SPTBN4: variants seen among roughly 807,000 people sequenced by gnomAD.
SPTBN4 encodes spectrin beta, non-erythrocytic 4.
A neutral mutation model predicts 277.8 loss-of-function variants in SPTBN4; 96 were observed. The ratio of observed to expected loss-of-function variants is 0.35; its 90% CI spans 0.29 to 0.41. The LOEUF (loss-of-function observed/expected upper bound fraction) is 0.41, where lower values mean the gene tolerates loss of function less well. SPTBN4 is among the 10% of genes least tolerant of loss of function. The pLI is 1.00. For missense variants in SPTBN4, 3,006 were observed against 3,595.7 expected (o/e 0.84, Z 4.19); for synonymous variants, 1,481 against 1,580.3 (o/e 0.94, Z 1.49).
chr19:40,568,065 C>T lies in SPTBN4; in HGVS notation c.6739C>T (p.Arg2247Trp). 1.3e-6 allele frequency: 2 copies of T among 1,559,076 alleles called. No individual in the cohort carries two copies. Among genetic ancestry groups the T allele is most frequent in the Non-Finnish European group, 8.7e-7 (1 of 1,152,278 alleles). Reference sequence around the variant, plus strand: ...TCGCGCGGAGGAGCTGCCCAGGAGGCGGCGGCCTGAGCGGCAAGAGTCAGT... The same window carrying T: ...TCGCGCGGAGGAGCTGCCCAGGAGGTGGCGGCCTGAGCGGCAAGAGTCAGT... ...ADRAEELPRRRRPERQESVDQ... is the reference protein window; with the variant it reads ...ADRAEELPRRWRPERQESVDQ... Residue 2247 changes from arginine (R) to tryptophan (W), a missense_variant, in exon 31 of 36, where the codon CGG (arginine) becomes TGG (tryptophan). Arg to Trp is a moderately radical substitution (Grantham distance 101, BLOSUM62 -3). This residue lies in a region of SPTBN4 where 630 missense variants were observed against 677.6 expected (regional missense o/e 0.93). Coordinates refer to ENST00000598249, the MANE Select transcript of SPTBN4 (RefSeq NM_020971.3).
At chr19:40,557,843 G>T (rs1425924991) in intron 26 of SPTBN4, among the ~76,000 whole-genome samples, 1 of 150,556 alleles carries the variant, frequency 6.6e-6, no homozygotes, top group Non-Finnish European at 1.5e-5. Flanking sequence ...ACTTGAACCC[G>T]GGAGGAGGAG....
intron 33 of SPTBN4, 80 bp from the exon 34 acceptor site, chr19:40,571,939 T>C: frequency 6.9e-7 from 1 of 1,458,290 alleles, no homozygotes; most frequent in Non-Finnish European, 9.1e-7. Context: ...CTCAGACATA[T>C]TCAGACCTTG....
intron 13 of SPTBN4, among the ~76,000 whole-genome samples, chr19:40,510,380 C>G (rs367705875): frequency 1.3e-5 from 2 of 152,048 alleles, no homozygotes; most frequent in African/African-American, 4.8e-5. Context: ...TCTCGGCTCA[C>G]TGCAGCATCA....
rs866683074 is a variant in SPTBN4 at position 40,500,033 on chromosome 19, A to G, written c.785-1888A>G. 1.4e-4 allele frequency among the ~76,000 whole-genome samples: 22 copies of G among 151,884 alleles called. No individual in the cohort carries two copies. In the Middle Eastern group the frequency reaches 0.017, roughly 118 times the overall value. ...TAAGGCAGGAGGATCGCTTGAGGCCAGAAGTTCAGGACCAGCCTGGGCAAT... is the reference window on the plus strand; with the variant it reads ...TAAGGCAGGAGGATCGCTTGAGGCCGGAAGTTCAGGACCAGCCTGGGCAAT... On this transcript the variant is annotated intron_variant, in intron 7 of 35. Coordinates refer to ENST00000598249, the MANE Select transcript of SPTBN4 (RefSeq NM_020971.3).
chr19:40,502,062 G>A lies in SPTBN4; in HGVS notation c.897+29G>A. ...TAAGGAGCCAAGGAGTGGGTGAGTG[G>A]GAAGCTGGAAGCTGGTGGCAGGCAC... On this transcript the variant is annotated intron_variant, in intron 8 of 35. Transcript: ENST00000598249. This position sits in a 1 kb window ranked among gnomAD's most constrained non-coding sequence, Gnocchi z 4.9. 2 of 1,613,792 alleles carry A rather than the reference G, an allele frequency of 1.2e-6. No homozygotes were observed. Among genetic ancestry groups the A allele is most frequent in the Non-Finnish European group, 1.7e-6 (2 of 1,179,916 alleles).
At chr19:40,494,841 T>TTCTTCCCTCCTAACTCTCC in intron 5 of SPTBN4, 56 bp from the exon 6 acceptor site, 1 of 1,529,924 alleles carries the variant, frequency 6.5e-7, no homozygotes, top group Non-Finnish European at 9.0e-7. Context: ...TTTTTCCCCT[T>TTCTTCCCTCCTAACTCTCC]TCTTCCCTCC....
Position 40,515,188 on chromosome 19 carries a change from G to A in SPTBN4, c.2766-123G>A. On this transcript the variant is annotated intron_variant, in intron 14 of 35. Transcript: ENST00000598249. This position sits in a 1 kb window ranked among gnomAD's most constrained non-coding sequence, Gnocchi z 4.1. ...AAATAAGCAGCAAGTAGAAGAGAAG[G>A]AGCCCACAAAGGAGGCTGAAAAGAA... The A allele has an allele frequency of 1.1e-6, 1 of 882,644 alleles. No homozygotes were observed. Among genetic ancestry groups the A allele is most frequent in the East Asian group, 3.3e-5 (1 of 30,620 alleles). The allele number at this position is 882,644 out of a possible 1,614,324, so 54.7% of individuals were successfully genotyped here.
chr19:40,502,132 T>C lies in SPTBN4; in HGVS notation c.902T>C (p.Leu301Ser). The change falls in exon 9 of 36, where the codon TTG becomes TCG. Residue 301 changes from leucine to serine, a missense_variant. Coordinates refer to ENST00000598249, the MANE Select transcript of SPTBN4 (RefSeq NM_020971.3). This position sits in a 1 kb window ranked among gnomAD's most constrained non-coding sequence, Gnocchi z 4.9. ...AVEGKRIGKV[L>S]DQVLEVGKII... ...CCCCTTCCTCTGCTGTGTCAGGTCT[T>C]GGACCAGGTATTGGAGGTGGGGAAG... is the stretch of plus-strand genomic sequence containing the variant. The C allele has an allele frequency of 6.2e-7, 1 of 1,613,702 alleles. No individual in the cohort carries two copies. The highest frequency in any genetic ancestry group is 8.5e-7 in the Non-Finnish European group (1 of 1,179,850).
At chr19:40,477,061 A>T (rs2079957391) in intron 2 of SPTBN4, among the ~76,000 whole-genome samples, 1 of 149,554 alleles carries the variant, frequency 6.7e-6, no homozygotes, top group Non-Finnish European at 1.5e-5. Flanking sequence ...CATTATCATT[A>T]TTATTATTTG....
intron 2 of SPTBN4, among the ~76,000 whole-genome samples, chr19:40,483,636 A>G (rs986109974): frequency 5.3e-5 from 8 of 152,154 alleles, no homozygotes; most frequent in African/African-American, 1.9e-4. Flanking sequence ...ATGGGACCCT[A>G]TGTGAATACT....
At position 40,567,857 on chromosome 19, in the gene SPTBN4, G is replaced by T; in HGVS notation, c.6531G>T (p.Gly2177=). 1 of 1,526,434 alleles carries T rather than the reference G, an allele frequency of 6.6e-7. No homozygotes were observed. Among genetic ancestry groups the T allele is most frequent in the Non-Finnish European group, 8.8e-7 (1 of 1,138,276 alleles). The allele number at this position is 1,526,434 out of a possible 1,614,324, so 94.6% of individuals were successfully genotyped here. A position where few individuals can be genotyped will look rare whatever the true frequency, so the allele number is the denominator to read the frequency against. ...TLSAEVRTRV[G]YVRQELKPER... is the part of the protein sequence containing the mutation. Reference sequence around the variant, plus strand: ...CGGCCGAGGTGCGGACTCGGGTGGGGTATGTGCGCCAGGAGCTCAAGCCCG... The same window carrying T: ...CGGCCGAGGTGCGGACTCGGGTGGGTTATGTGCGCCAGGAGCTCAAGCCCG... Residue 2177 remains glycine (G), a synonymous_variant, in exon 31 of 36, where the codon GGG becomes GGT. Transcript: ENST00000598249.
intron 26 of SPTBN4, 125 bp downstream of exon 26, chr19:40,557,528 C>T (rs1036794505): frequency 6.2e-6 from 7 of 1,133,452 alleles, no homozygotes; most frequent in Non-Finnish European, 7.2e-6. Flanking sequence ...AAGCGGACTA[C>T]AGAACAGGAA....
intron 7 of SPTBN4, among the ~76,000 whole-genome samples, chr19:40,499,058 C>T (rs1242015432): frequency 1.3e-5 from 2 of 151,784 alleles, no homozygotes; most frequent in East Asian, 1.9e-4. Context: ...GACAGAGCCT[C>T]GCTCTGTCAC....
chr19:40,480,590 T>C (rs2080000073), intron 2 of SPTBN4, among the ~76,000 whole-genome samples: 1 of 152,234 alleles, frequency 6.6e-6, no homozygotes, highest in African/African-American at 2.4e-5. Flanking sequence ...TGTTGTTTTA[T>C]GTCCGGCATT....
intron 12 of SPTBN4, 147 bp from the exon 13 acceptor site, chr19:40,506,089 G>A: frequency 8.4e-6 from 9 of 1,074,804 alleles, no homozygotes; most frequent in Non-Finnish European, 5.1e-6. Flanking sequence ...GCTGGTAAGA[G>A]AGTCTTGAGG....
intron 25 of SPTBN4, 151 bp downstream of exon 25, chr19:40,556,439 G>A: frequency 1.5e-6 from 1 of 662,904 alleles, no homozygotes; most frequent in Non-Finnish European, 2.5e-6. Flanking sequence ...AAGCACTGAG[G>A]ACCCTGCTTG....
chr19:40,550,886 G>A (rs843777), intron 22 of SPTBN4, among the ~76,000 whole-genome samples: 68,681 of 151,982 alleles, frequency 0.45, 16,420 homozygotes, highest in African/African-American at 0.53. Context: ...AAGGCCTCCA[G>A]TGGATTCAGG....
At chr19:40,530,429 C>CGCACGCGGGCGG in intron 18 of SPTBN4, 1 of 877,362 alleles carries the variant, frequency 1.1e-6, no homozygotes, top group Non-Finnish European at 1.4e-6. Flanking sequence ...AGGCAGGGGG[C>CGCACGCGGGCGG]GCACGCGGGC....
intron 35 of SPTBN4, 54 bp downstream of exon 35, chr19:40,572,434 T>A: frequency 6.2e-7 from 1 of 1,605,610 alleles, no homozygotes; most frequent in Non-Finnish European, 8.5e-7. Flanking sequence ...GACCTGGCTG[T>A]CTGGCTCCTG....
Sources: allele counts gnomAD v4.1 joint callset (sites outside exome capture counted in the v4.1 genomes callset), GRCh38; gene constraint gnomAD v4.1.1; regional missense constraint gnomAD v4.1.1; non-coding constraint Gnocchi (gnomAD v3.1); transcripts MANE v1.5; gene names NCBI Gene and HGNC (gene_info 2026-07-23, HGNC 2026-07-21).